Variants in MAGI3 observed in about 807,000 individuals in gnomAD.
MAGI3 encodes membrane-associated guanylate kinase, WW and PDZ domain-containing protein 3.
Under a neutral mutation model 121.8 loss-of-function variants are expected in MAGI3, and 43 were observed. The ratio of observed to expected loss-of-function variants is 0.35; its 90% CI spans 0.28 to 0.46. The LOEUF is 0.46. MAGI3 is among the 20% of genes least tolerant of loss of function. The probability of loss-of-function intolerance (pLI) is 1.00; values close to 1 mark genes in which losing one functional copy is unlikely to be tolerated. For synonymous variants in MAGI3, 553 were observed against 639.3 expected (o/e 0.86, Z 2.04); for missense variants, 1,547 against 1,797.3 (o/e 0.86, Z 2.52).
intron 1 of MAGI3, among the ~76,000 whole-genome samples, chr1:113,490,596 A>C (rs903693434): frequency 6.6e-6 from 1 of 152,204 alleles, no homozygotes; most frequent in Non-Finnish European, 1.5e-5. Flanking sequence ...TGGATAAAGA[A>C]TCAGACCCAT....
intron 9 of MAGI3, among the ~76,000 whole-genome samples, chr1:113,633,505 C>A (rs1250547168): frequency 6.6e-6 from 1 of 151,870 alleles, no homozygotes; most frequent in South Asian, 2.1e-4. Flanking sequence ...TCGTGATCCG[C>A]CCGCCTCGGC....
At chr1:113,528,660 C>T (rs1016505842) in intron 1 of MAGI3, among the ~76,000 whole-genome samples, 13 of 152,140 alleles carry the variant, frequency 8.5e-5, no homozygotes, top group Non-Finnish European at 1.3e-4. Context: ...GTTATTTCAT[C>T]GGGAGTTGCT....
At chr1:113,663,654 A>G (rs868162216) in intron 16 of MAGI3, among the ~76,000 whole-genome samples, 1 of 152,316 alleles carries the variant, frequency 6.6e-6, no homozygotes. Context: ...TAATGCCACT[A>G]CAAATGCTGT....
At chr1:113,473,487 T>A (rs1422716197) in intron 1 of MAGI3, among the ~76,000 whole-genome samples, 1 of 139,886 alleles carries the variant, frequency 7.1e-6, no homozygotes, top group African/African-American at 2.6e-5. Flanking sequence ...CATTGTTCAA[T>A]TCCCACCTAT....
At chr1:113,623,489 T>TACACACAC (rs1650995995) in intron 9 of MAGI3, among the ~76,000 whole-genome samples, 1 of 48,356 alleles carries the variant, frequency 2.1e-5, no homozygotes. Context: ...CACACACACA[T>TACACACAC]ATATATATTT....
chr1:113,590,245 G>GT (rs1180012195), intron 4 of MAGI3, among the ~76,000 whole-genome samples: 3 of 152,040 alleles, frequency 2.0e-5, no homozygotes, highest in Non-Finnish European at 4.4e-5. Context: ...TTCTATTGTT[G>GT]TTTTTTGCTT....
At chr1:113,607,427 C>G (rs1194452389) in intron 6 of MAGI3, among the ~76,000 whole-genome samples, 4 of 152,042 alleles carry the variant, frequency 2.6e-5, no homozygotes, top group Admixed American at 2.0e-4. Flanking sequence ...AGTTTTTAAA[C>G]TAACCTCACA....
intron 17 of MAGI3, among the ~76,000 whole-genome samples, chr1:113,672,398 A>T (rs776104219): frequency 6.6e-6 from 1 of 152,224 alleles, no homozygotes. Context: ...CCTTAAAAAA[A>T]TTGTGGATGT....
At chr1:113,510,355 C>CTTTTTTTTTTTTTTTTTTTTTTTTT (rs34379798) in intron 1 of MAGI3, among the ~76,000 whole-genome samples, 1 of 133,412 alleles carries the variant, frequency 7.5e-6, no homozygotes, top group African/African-American at 2.8e-5. Context: ...TAGGCCTTGA[C>CTTTTTTTTTTTTTTTTTTTTTTTTT]TTTTTTTTTT....
At chr1:113,460,877 G>T (rs1402449269) in intron 1 of MAGI3, among the ~76,000 whole-genome samples, 1 of 150,904 alleles carries the variant, frequency 6.6e-6, no homozygotes, top group African/African-American at 2.4e-5. Flanking sequence ...CACAGCTTCA[G>T]CAAAGTTGCA....
chr1:113,675,448 G>A (rs1422205781), intron 19 of MAGI3, among the ~76,000 whole-genome samples: 2 of 152,176 alleles, frequency 1.3e-5, no homozygotes, highest in African/African-American at 2.4e-5. Context: ...AAAGGATATG[G>A]CAAAGACTGA....
At chr1:113,496,388 A>G (rs763104744) in intron 1 of MAGI3, among the ~76,000 whole-genome samples, 22 of 152,184 alleles carry the variant, frequency 1.4e-4, no homozygotes, top group Non-Finnish European at 2.9e-4. Context: ...CAATTGATAG[A>G]TGGATGGTTA....
rs147647475 is a variant in MAGI3, at chr1:113,647,965, G to A, written c.2156-1272G>A. On this transcript the variant is annotated intron_variant, in intron 12 of 20. Coordinates refer to ENST00000307546, the MANE Select transcript of MAGI3 (RefSeq NM_001142782.2). Reference sequence around the variant, plus strand: ...GAGACAGAGTCTTGCTCTGTCACCCGGAGCTGGAGTGCAGTGGCACAATCT... The same window carrying A: ...GAGACAGAGTCTTGCTCTGTCACCCAGAGCTGGAGTGCAGTGGCACAATCT... 4.3e-3 allele frequency among the ~76,000 whole-genome samples: 653 copies of A among 150,884 alleles called. 7 individuals are homozygous for A. Among genetic ancestry groups the A allele is most frequent in the African/African-American group, 0.015 (619 of 41,026 alleles).
intron 1 of MAGI3, among the ~76,000 whole-genome samples, chr1:113,453,268 T>C (rs1242343940): frequency 6.6e-6 from 1 of 152,216 alleles, no homozygotes; most frequent in East Asian, 1.9e-4. Context: ...GCTGTCATCT[T>C]TCTTGCATAA....
chr1:113,590,367 A>T, intron 4 of MAGI3, 117 bp from the exon 5 acceptor site: 2 of 945,978 alleles, frequency 2.1e-6, no homozygotes, highest in Non-Finnish European at 3.2e-6. Flanking sequence ...TGGACATAAT[A>T]GACAAGAAAT....
chr1:113,655,914 C>G (rs971475895), intron 15 of MAGI3, among the ~76,000 whole-genome samples: 3 of 152,068 alleles, frequency 2.0e-5, no homozygotes, highest in African/African-American at 7.2e-5. Context: ...TTATCATCAT[C>G]ATTATTTAGA....
At chr1:113,611,132 G>T (rs1650107608) in intron 6 of MAGI3, among the ~76,000 whole-genome samples, 1 of 149,204 alleles carries the variant, frequency 6.7e-6, no homozygotes. Flanking sequence ...TGTTGCCCAG[G>T]CTGGAGTGCA....
intron 1 of MAGI3, among the ~76,000 whole-genome samples, chr1:113,538,813 A>G (rs1406225407): frequency 2.0e-5 from 3 of 152,178 alleles, no homozygotes; most frequent in Non-Finnish European, 2.9e-5. Context: ...TAAAAGAGAA[A>G]TGATTGCAAT....
intron 11 of MAGI3, 124 bp from the exon 12 acceptor site, chr1:113,646,362 G>A: frequency 1.5e-6 from 1 of 683,330 alleles, no homozygotes; most frequent in East Asian, 2.8e-5. Context: ...AATCTGCTGT[G>A]TCTTTGATCC....
Sources: allele counts gnomAD v4.1 joint callset (sites outside exome capture counted in the v4.1 genomes callset), GRCh38; gene constraint gnomAD v4.1.1; transcripts MANE v1.5; gene names NCBI Gene and HGNC (gene_info 2026-07-23, HGNC 2026-07-21).